Variants in JAKMIP2 observed in about 807,000 individuals in gnomAD.
JAKMIP2 encodes janus kinase and microtubule interacting protein 2, also known as janus kinase and microtubule-interacting protein 2.
Under a neutral mutation model 115.0 loss-of-function variants are expected in JAKMIP2, and 25 were observed. The observed-to-expected ratio is 0.22, with a 90% CI of 0.16 to 0.30. The LOEUF (loss-of-function observed/expected upper bound fraction) is 0.30, where lower values mean the gene tolerates loss of function less well. Among genes scored for constraint, JAKMIP2 ranks in the 10% least tolerant of loss-of-function variants. The probability of loss-of-function intolerance (pLI) is 1.00; values close to 1 mark genes in which losing one functional copy is unlikely to be tolerated. For missense variants in JAKMIP2, 642 were observed against 957.6 expected (o/e 0.67, Z 4.35); for synonymous variants, 334 against 343.6 (o/e 0.97, Z 0.31).
chr5:147,691,373 T>C (rs538401643), intron 1 of JAKMIP2, among the ~76,000 whole-genome samples: 3 of 152,298 alleles, frequency 2.0e-5, no homozygotes, highest in Admixed American at 6.5e-5. Context: ...GCTCCTTCTG[T>C]TACTGTGAAG....
intron 13 of JAKMIP2, 101 bp from the exon 14 acceptor site, chr5:147,631,612 T>C (rs2126686248): frequency 3.1e-6 from 2 of 641,298 alleles, no homozygotes; most frequent in Non-Finnish European, 2.5e-6. Flanking sequence ...TTTATTACTG[T>C]CATTTGGCAA....
intron 17 of JAKMIP2, 94 bp from the exon 18 acceptor site, chr5:147,620,837 A>G (rs1436156582): frequency 1.5e-5 from 13 of 884,542 alleles, no homozygotes; most frequent in Non-Finnish European, 2.4e-5. Context: ...ATTCTACCAT[A>G]AGACAAATCA....
chr5:147,721,880 T>A (rs1312829540), intron 1 of JAKMIP2, among the ~76,000 whole-genome samples: 3 of 152,076 alleles, frequency 2.0e-5, no homozygotes, highest in African/African-American at 7.2e-5. Context: ...TCCAGGCCCT[T>A]AAAATTATAT....
intron 19 of JAKMIP2, 50 bp from the exon 20 acceptor site, chr5:147,612,421 G>T: frequency 2.7e-6 from 3 of 1,120,590 alleles, no homozygotes; most frequent in Non-Finnish European, 3.9e-6. Flanking sequence ...GGTAAGTTGT[G>T]CGGAAAAATA....
intron 1 of JAKMIP2, among the ~76,000 whole-genome samples, chr5:147,710,767 G>A (rs376542503): frequency 6.6e-6 from 1 of 152,114 alleles, no homozygotes; most frequent in East Asian, 1.9e-4. Flanking sequence ...CTCTGCTAAA[G>A]AAAAACATAA....
At chr5:147,602,027 G>A (rs1666968581) in intron 20 of JAKMIP2, among the ~76,000 whole-genome samples, 1 of 152,152 alleles carries the variant, frequency 6.6e-6, no homozygotes, top group African/African-American at 2.4e-5. Flanking sequence ...AGAATCATGA[G>A]GTGGTCTTAC....
chr5:147,782,705 C>T lies in JAKMIP2; in HGVS notation c.-398G>A. On this transcript the variant is annotated 5_prime_UTR_variant, in exon 1 of 22. Transcript: ENST00000616793. Reference sequence around the variant, plus strand: ...GCAGCATCACCAGTTGGGCCTCCTCCCTCTCGGAGGATGGGGTGAGCTCGG... The same window carrying T: ...GCAGCATCACCAGTTGGGCCTCCTCTCTCTCGGAGGATGGGGTGAGCTCGG... The T allele has an allele frequency of 1.6e-6, 1 of 616,988 alleles. No individual in the cohort carries two copies. The highest frequency in any genetic ancestry group is 2.9e-6 in the Non-Finnish European group (1 of 341,358). The allele number at this position is 616,988 out of a possible 1,614,324, so 38.2% of individuals were successfully genotyped here.
chr5:147,657,266 C>A (rs572894259), intron 3 of JAKMIP2, among the ~76,000 whole-genome samples: 4 of 151,086 alleles, frequency 2.6e-5, no homozygotes, highest in African/African-American at 9.8e-5. Flanking sequence ...GGTGACAGAG[C>A]GAGACTCCGT....
rs78022422 is a variant in JAKMIP2, at chr5:147,733,307, T to C, written c.-149+49149A>G. 8.7e-3 allele frequency among the ~76,000 whole-genome samples: 1,326 copies of C among 152,322 alleles called. 29 individuals are homozygous for C. Among genetic ancestry groups the C allele is most frequent in the African/African-American group, 0.03 (1,256 of 41,562 alleles). ...GAGCTGTGCTCAAAAAGGGATGGAA[T>C]GAACAAAGAATGTCTTTATGTTTAT... On this transcript the variant is annotated intron_variant, in intron 1 of 21. Transcript: ENST00000616793.
intron 16 of JAKMIP2, among the ~76,000 whole-genome samples, chr5:147,625,500 T>G (rs2126668122): frequency 1.3e-5 from 2 of 152,284 alleles, no homozygotes; most frequent in East Asian, 1.9e-4. Context: ...CAATCATGGG[T>G]TTTGTGTAAA....
At position 147,641,866 on chromosome 5, in the gene JAKMIP2, G is replaced by T. The variant is rs12656104; in HGVS notation, c.1225-102C>A. ...TCTTTCCCATAAGGCATTATATTTG[G>T]AATAGAATAAGACTTTGTTTTTTAA... is the stretch of plus-strand genomic sequence containing the variant. On this transcript the variant is annotated intron_variant, in intron 7 of 21. Coordinates refer to ENST00000616793, the MANE Select transcript of JAKMIP2 (RefSeq NM_001270941.2). 7.8e-3 allele frequency: 7,274 copies of T among 936,168 alleles called. 380 individuals carry two copies. The East Asian group carries it at 0.13, about 17-fold the overall frequency. The allele number at this position is 936,168 out of a possible 1,614,324, so 58.0% of individuals were successfully genotyped here.
chr5:147,611,022 A>C (rs1254737678), intron 20 of JAKMIP2, among the ~76,000 whole-genome samples: 1 of 152,070 alleles, frequency 6.6e-6, no homozygotes, highest in Admixed American at 6.5e-5. Flanking sequence ...GTAATAGAGA[A>C]TGCCCCTCCC....
chr5:147,676,363 G>C (rs1453326023), intron 1 of JAKMIP2, among the ~76,000 whole-genome samples: 1 of 152,138 alleles, frequency 6.6e-6, no homozygotes, highest in African/African-American at 2.4e-5. Flanking sequence ...AAAAGAGCGT[G>C]CCTGAAGGTA....
At chr5:147,612,476 T>C (rs1422153572) in intron 19 of JAKMIP2, 105 bp from the exon 20 acceptor site, 1 of 623,846 alleles carries the variant, frequency 1.6e-6, no homozygotes, top group Non-Finnish European at 2.7e-6. Context: ...AACCTGAATA[T>C]TTGTACAAGC....
rs1758062788 is a variant in JAKMIP2 at position 147,645,012 on chromosome 5, T to G, written c.937-16A>C. 3 of 1,611,308 alleles carry G rather than the reference T, an allele frequency of 1.9e-6. No homozygotes were observed. The highest frequency in any genetic ancestry group is 3.4e-5 in the Admixed American group (2 of 59,348). On this transcript the variant is annotated splice_polypyrimidine_tract_variant and intron_variant, in intron 5 of 21. Coordinates refer to ENST00000616793, the MANE Select transcript of JAKMIP2 (RefSeq NM_001270941.2). Reference sequence around the variant, plus strand: ...CACGTTTTAACTGGGAAGAAATAAGTGAAGATTTGTGTCTTGCGTTTGGGG... The same window carrying G: ...CACGTTTTAACTGGGAAGAAATAAGGGAAGATTTGTGTCTTGCGTTTGGGG...
intron 21 of JAKMIP2, among the ~76,000 whole-genome samples, chr5:147,598,612 G>C (rs1483225547): frequency 6.6e-6 from 1 of 152,146 alleles, no homozygotes; most frequent in Non-Finnish European, 1.5e-5. Context: ...CTTGTTTAAA[G>C]TAAAAGTCCT....
chr5:147,684,922 C>A (rs1287913321), intron 1 of JAKMIP2, among the ~76,000 whole-genome samples: 1 of 152,166 alleles, frequency 6.6e-6, no homozygotes, highest in African/African-American at 2.4e-5. Context: ...GCTAAAGGAA[C>A]TTACTCATCT....
chr5:147,672,062 C>T (rs969371840), intron 1 of JAKMIP2, 108 bp from the exon 2 acceptor site: 3 of 658,514 alleles, frequency 4.6e-6, no homozygotes, highest in African/African-American at 3.8e-5. Flanking sequence ...TCCTGAGGCT[C>T]TCCTATCCTC....
rs60338770 is a variant in JAKMIP2 at position 147,678,959 on chromosome 5, TTTTATTTATTTATTTATTTATTTATTTA to T, written c.-148-7033_-148-7006del. Among the ~76,000 whole-genome samples the T allele has an allele frequency of 1.4e-4, 21 of 148,004 alleles. No homozygotes were observed. The South Asian group carries it at 2.2e-3, about 15-fold the overall frequency. ...ATACTGTTTTGATGTCCAACTACAT[TTTTATTTATTTATTTATTTATTTATTTA>T]TTTATTTATTTAGTATGGAGTCTCC... On this transcript the variant is annotated intron_variant, in intron 1 of 21. Coordinates refer to ENST00000616793, the MANE Select transcript of JAKMIP2 (RefSeq NM_001270941.2).
Sources: gnomAD v4.1 joint callset for allele counts (sites outside exome capture counted in the v4.1 genomes callset) on GRCh38, gnomAD v4.1.1 for gene constraint, MANE v1.5 for transcripts, NCBI Gene and HGNC (gene_info 2026-07-23, HGNC 2026-07-21) for gene names.